Variants in TIAM2 observed in about 807,000 individuals in gnomAD.
TIAM2 encodes TIAM Rac1 associated GEF 2, also known as rho guanine nucleotide exchange factor TIAM2.
TIAM2 carries 80 observed loss-of-function variants against 152.9 expected under a neutral mutation model. That is an observed-to-expected ratio of 0.52 (90% CI 0.44 to 0.63). The LOEUF (loss-of-function observed/expected upper bound fraction) is 0.63. TIAM2 is among the 30% of genes least tolerant of loss of function. The probability of loss-of-function intolerance (pLI) is 0.00; values close to 1 mark genes in which losing one functional copy is unlikely to be tolerated. For missense variants in TIAM2, 1,965 were observed against 2,120.1 expected (o/e 0.93, Z 1.44); for synonymous variants, 804 against 838.0 (o/e 0.96, Z 0.70).
At chr6:155,179,537 T>TTTTCCCCTTACATTC in intron 12 of TIAM2, 81 bp downstream of exon 12, 1 of 1,312,978 alleles carries the variant, frequency 7.6e-7, no homozygotes, top group African/African-American at 1.5e-5. Context: ...GGACTTAATT[T>TTTTCCCCTTACATTC]TTTCCCCTTA....
At position 155,173,195 on chromosome 6, in the gene TIAM2, G is replaced by C. The variant is rs111498060; in HGVS notation, c.2362-3621G>C. 3.1e-3 allele frequency among the ~76,000 whole-genome samples: 429 copies of C among 138,272 alleles called. 3 individuals carry two copies. The highest frequency in any genetic ancestry group is 0.022 in the East Asian group (108 of 4,884). The allele number at this position is 138,272 out of a possible 152,430, so 90.7% of individuals were successfully genotyped here. A position where few individuals can be genotyped will look rare whatever the true frequency, so the allele number is the denominator to read the frequency against. On this transcript the variant is annotated intron_variant, in intron 9 of 26. Coordinates refer to ENST00000682666, the MANE Select transcript of TIAM2 (RefSeq NM_012454.4). ...TGTGTGTGTGTGTGTGTGTGTGTGTGTGTGTGTCTGTCTGTCTGTCTGCCT... is the reference window on the plus strand; with the variant it reads ...TGTGTGTGTGTGTGTGTGTGTGTGTCTGTGTGTCTGTCTGTCTGTCTGCCT...
At chr6:155,175,194 G>C (rs1480888600) in intron 9 of TIAM2, among the ~76,000 whole-genome samples, 1 of 152,182 alleles carries the variant, frequency 6.6e-6, no homozygotes, top group East Asian at 1.9e-4. Context: ...CCAGAAAAAT[G>C]TACTGAAAGC....
chr6:155,108,360 A>G (rs1408539342), intron 2 of TIAM2, among the ~76,000 whole-genome samples: 1 of 152,148 alleles, frequency 6.6e-6, no homozygotes, highest in Admixed American at 6.5e-5. Context: ...TTTCCTTTTC[A>G]TCTAAAAAAT....
chr6:155,070,969 C>T (rs6903729), intron 1 of TIAM2, among the ~76,000 whole-genome samples: 45,642 of 151,968 alleles, frequency 0.3, 7,400 homozygotes, highest in Non-Finnish European at 0.37. Context: ...CCCAAGAGGT[C>T]GAGACCAGCC....
intron 2 of TIAM2, among the ~76,000 whole-genome samples, chr6:155,093,463 G>A (rs994091027): frequency 7.2e-5 from 11 of 152,196 alleles, no homozygotes; most frequent in African/African-American, 2.7e-4. Flanking sequence ...GCTTAGCAGG[G>A]AACCCAATTC....
intron 1 of TIAM2, among the ~76,000 whole-genome samples, chr6:155,002,763 C>T (rs1355622099): frequency 6.6e-6 from 1 of 151,968 alleles, no homozygotes; most frequent in Non-Finnish European, 1.5e-5. Flanking sequence ...TCACTGCGAA[C>T]TCTGCCTCCA....
At chr6:155,082,913 A>G (rs917283490) in intron 1 of TIAM2, among the ~76,000 whole-genome samples, 14 of 152,090 alleles carry the variant, frequency 9.2e-5, no homozygotes, top group Non-Finnish European at 1.9e-4. Flanking sequence ...AGTCCCTGCT[A>G]CTTTTTAACA....
chr6:155,241,220 G>A (rs1583278220), intron 16 of TIAM2, among the ~76,000 whole-genome samples: 5 of 152,200 alleles, frequency 3.3e-5, no homozygotes, highest in African/African-American at 7.2e-5. Context: ...GGCAGTTGCC[G>A]AGTATCTTGA....
intron 1 of TIAM2, among the ~76,000 whole-genome samples, chr6:155,007,815 G>A (rs1053860203): frequency 1.3e-5 from 2 of 152,174 alleles, no homozygotes; most frequent in Middle Eastern, 3.2e-3. Flanking sequence ...TAGTCTAAAC[G>A]TGTGAGGAAA....
chr6:155,124,640 CT>C (rs1366397880), intron 2 of TIAM2, among the ~76,000 whole-genome samples: 1 of 152,114 alleles, frequency 6.6e-6, no homozygotes, highest in African/African-American at 2.4e-5. Flanking sequence ...TGGTTTTGGA[CT>C]TTTAAAAGGT....
chr6:155,109,449 A>G (rs73573771), intron 2 of TIAM2, among the ~76,000 whole-genome samples: 3,130 of 152,314 alleles, frequency 0.021, 125 homozygotes, highest in African/African-American at 0.071. Context: ...AAAGGTATGG[A>G]ATAGAAAGAA....
intron 1 of TIAM2, among the ~76,000 whole-genome samples, chr6:155,022,932 G>A (rs1776526532): frequency 1.3e-5 from 2 of 152,098 alleles, no homozygotes; most frequent in Non-Finnish European, 2.9e-5. Context: ...TGGATAAAGT[G>A]AATTCCTTTT....
intron 1 of TIAM2, among the ~76,000 whole-genome samples, chr6:155,009,656 T>C (rs1778455237): frequency 6.6e-6 from 1 of 152,148 alleles, no homozygotes; most frequent in Non-Finnish European, 1.5e-5. Flanking sequence ...TGTTCCAAAC[T>C]ACGACTTACG....
intron 1 of TIAM2, among the ~76,000 whole-genome samples, chr6:155,070,016 T>A (rs1456898815): frequency 6.7e-6 from 1 of 149,552 alleles, no homozygotes; most frequent in Admixed American, 6.7e-5. Context: ...AAGCAATTCC[T>A]GTGCCTCAGC....
chr6:155,226,525 T>C lies in TIAM2; in HGVS notation c.3169-14005T>C, dbSNP rs578143566. 3.1e-3 allele frequency among the ~76,000 whole-genome samples: 477 copies of C among 151,802 alleles called. 3 individuals carry two copies. The highest frequency in any genetic ancestry group is 6.8e-3 in the Middle Eastern group (2 of 294). ...TCTCTACTAAAAAAAATTAGCTGGG[T>C]ATGGTGGTGCACGCCTGTAATCCCA... On this transcript the variant is annotated intron_variant, in intron 15 of 26. Transcript: ENST00000682666.
chr6:154,997,982 G>A (rs1041170167), intron 1 of TIAM2, among the ~76,000 whole-genome samples: 2 of 152,224 alleles, frequency 1.3e-5, no homozygotes, highest in Non-Finnish European at 2.9e-5. Context: ...GTAAGAGTTT[G>A]GGGGCAGATT....
intron 1 of TIAM2, among the ~76,000 whole-genome samples, chr6:155,024,889 G>T (rs1408157108): frequency 6.6e-6 from 1 of 152,212 alleles, no homozygotes; most frequent in African/African-American, 2.4e-5. Flanking sequence ...TCCTGCTCTA[G>T]ATGAAGTGAC....
rs555030275 is a variant in TIAM2, at chr6:155,022,150, T to G, written c.-209+26658T>G. On this transcript the variant is annotated intron_variant, in intron 1 of 26. Transcript: ENST00000682666. ...TGATATAGCTCTCACAACTTGATAA[T>G]TTTCTATAAAATCATTTGAGAAGAA... 6.8e-4 allele frequency among the ~76,000 whole-genome samples: 103 copies of G among 152,286 alleles called. 1 individual carries two copies. The highest frequency in any genetic ancestry group is 2.4e-3 in the African/African-American group (99 of 41,560).
At chr6:155,124,759 G>T (rs1485453981) in intron 2 of TIAM2, among the ~76,000 whole-genome samples, 1 of 152,132 alleles carries the variant, frequency 6.6e-6, no homozygotes. Context: ...CCTACTAAAA[G>T]GTAGGGTGCC....
Sources: gnomAD v4.1 joint callset for allele counts (sites outside exome capture counted in the v4.1 genomes callset) on GRCh38, gnomAD v4.1.1 for gene constraint, MANE v1.5 for transcripts, NCBI Gene and HGNC (gene_info 2026-07-23, HGNC 2026-07-21) for gene names.